DOCK3: variants seen among roughly 807,000 people sequenced by gnomAD.
DOCK3 encodes the protein dedicator of cytokinesis protein 3.
DOCK3 carries 60 observed loss-of-function variants against 265.6 expected under a neutral mutation model. That is an observed-to-expected ratio of 0.23 (90% CI 0.18 to 0.28). The LOEUF (loss-of-function observed/expected upper bound fraction) is 0.28. Among genes scored for constraint, DOCK3 ranks in the 10% least tolerant of loss-of-function variants. The probability of loss-of-function intolerance (pLI) is 1.00; values close to 1 mark genes in which losing one functional copy is unlikely to be tolerated. For missense variants in DOCK3, 1,981 were observed against 2,594.3 expected (o/e 0.76, Z 5.14); for synonymous variants, 881 against 938.0 (o/e 0.94, Z 1.11).
chr3:50,759,704 G>T (rs1368133057), intron 1 of DOCK3, among the ~76,000 whole-genome samples: 2 of 150,182 alleles, frequency 1.3e-5, no homozygotes, highest in African/African-American at 2.5e-5. Flanking sequence ...GAAAAAATTA[G>T]CTGGGCATGG....
chr3:51,098,748 C>T (rs2082966842), intron 9 of DOCK3, among the ~76,000 whole-genome samples: 1 of 152,176 alleles, frequency 6.6e-6, no homozygotes, highest in African/African-American at 2.4e-5. Flanking sequence ...GACATAGACT[C>T]CAGCTCACTA....
At chr3:50,782,617 A>G (rs2041980442) in intron 2 of DOCK3, among the ~76,000 whole-genome samples, 1 of 150,588 alleles carries the variant, frequency 6.6e-6, no homozygotes, top group Non-Finnish European at 1.5e-5. Flanking sequence ...AGCTTTTAAA[A>G]AAAATTCTTT....
intron 27 of DOCK3, among the ~76,000 whole-genome samples, chr3:51,292,212 G>A (rs1030777053): frequency 3.3e-5 from 5 of 152,132 alleles, no homozygotes; most frequent in African/African-American, 9.7e-5. Context: ...GACTACTTCT[G>A]TTCAACACAA....
chr3:51,228,349 AT>A (rs2090415569), intron 17 of DOCK3, among the ~76,000 whole-genome samples: 1 of 152,146 alleles, frequency 6.6e-6, no homozygotes, highest in Admixed American at 6.5e-5. Context: ...CCTCATTGCC[AT>A]TGTGGTCTTG....
At chr3:51,293,574 A>AT (rs1560372838) in intron 27 of DOCK3, among the ~76,000 whole-genome samples, 1 of 152,198 alleles carries the variant, frequency 6.6e-6, no homozygotes, top group East Asian at 1.9e-4. Context: ...CTTGGATATG[A>AT]TCCCTAAAGC....
rs576472454 is a variant in DOCK3 at position 50,789,689 on chromosome 3, G to C, written c.121+10931G>C. The stretch of plus-strand genomic sequence containing the variant: ...TAGGTGCATATATATCTAGGATTCT[G>C]ATATTTTCCTGTTGGACTAGTTTTT... On this transcript the variant is annotated intron_variant, in intron 2 of 52. Coordinates refer to ENST00000266037, the MANE Select transcript of DOCK3 (RefSeq NM_004947.5). Among the ~76,000 whole-genome samples the C allele has an allele frequency of 1.4e-3, 214 of 152,198 alleles. 1 individual carries two copies. Among genetic ancestry groups the C allele is most frequent in the Middle Eastern group, 0.014 (4 of 294 alleles).
chr3:51,263,395 T>A (rs1392603750), intron 23 of DOCK3, among the ~76,000 whole-genome samples: 6 of 152,214 alleles, frequency 3.9e-5, no homozygotes, highest in Non-Finnish European at 5.9e-5. Flanking sequence ...CCACCAGGCC[T>A]GCCTTACAAG....
At chr3:51,003,924 A>G (rs1339249647) in intron 5 of DOCK3, among the ~76,000 whole-genome samples, 1 of 152,170 alleles carries the variant, frequency 6.6e-6, no homozygotes, top group Non-Finnish European at 1.5e-5. Context: ...AAACAACAAA[A>G]CAGCCTACCT....
chr3:51,108,499 C>T (rs2083383311), intron 9 of DOCK3, among the ~76,000 whole-genome samples: 1 of 152,046 alleles, frequency 6.6e-6, no homozygotes, highest in Admixed American at 6.6e-5. Flanking sequence ...ATAGCTTAAA[C>T]AAATAAACAC....
intron 5 of DOCK3, among the ~76,000 whole-genome samples, chr3:50,988,387 C>G (rs11716733): frequency 7.9e-5 from 12 of 152,196 alleles, no homozygotes; most frequent in Non-Finnish European, 1.8e-4. Flanking sequence ...AAATTTGTAA[C>G]CTCTGTGGGA....
chr3:51,343,298 C>T (rs2085355250), intron 38 of DOCK3, among the ~76,000 whole-genome samples: 1 of 152,218 alleles, frequency 6.6e-6, no homozygotes, highest in African/African-American at 2.4e-5. Flanking sequence ...TTCTTCCAGA[C>T]ACTACCCCCA....
chr3:50,994,845 C>T (rs2078224689), intron 5 of DOCK3, among the ~76,000 whole-genome samples: 1 of 152,054 alleles, frequency 6.6e-6, no homozygotes, highest in South Asian at 2.1e-4. Context: ...TAGCACAGTG[C>T]CTGGAGCACT....
At chr3:51,214,809 C>T (rs142291030) in intron 14 of DOCK3, among the ~76,000 whole-genome samples, 2 of 152,260 alleles carry the variant, frequency 1.3e-5, no homozygotes, top group East Asian at 3.9e-4. Context: ...ATCTAATGCC[C>T]CGTGGAGAGC....
At chr3:51,283,044 G>C (rs2081216633) in intron 27 of DOCK3, among the ~76,000 whole-genome samples, 1 of 152,222 alleles carries the variant, frequency 6.6e-6, no homozygotes, top group African/African-American at 2.4e-5. Context: ...TGTGAAAATT[G>C]TCAAGGAATG....
intron 5 of DOCK3, among the ~76,000 whole-genome samples, chr3:50,996,223 C>CT (rs754305815): frequency 2.1e-3 from 294 of 141,522 alleles, no homozygotes; most frequent in East Asian, 2.9e-3. Context: ...TTTTTCTTAA[C>CT]TTTTTTTTTT....
intron 4 of DOCK3, among the ~76,000 whole-genome samples, chr3:50,901,498 G>A (rs1047977340): frequency 1.3e-5 from 2 of 152,088 alleles, no homozygotes; most frequent in Non-Finnish European, 2.9e-5. Flanking sequence ...GCTTGCTGGC[G>A]TTCCAGGCAC....
At chr3:50,728,777 C>A (rs2037998603) in intron 1 of DOCK3, among the ~76,000 whole-genome samples, 1 of 149,502 alleles carries the variant, frequency 6.7e-6, no homozygotes, top group Non-Finnish European at 1.5e-5. Context: ...GGCTGGAGTG[C>A]AGTGGTGCGA....
chr3:51,331,229 A>T (rs2084497789), intron 33 of DOCK3, among the ~76,000 whole-genome samples: 1 of 152,188 alleles, frequency 6.6e-6, no homozygotes, highest in Admixed American at 6.5e-5. Flanking sequence ...CCCCTATACT[A>T]TGCCCATTTT....
chr3:50,966,498 C>CTTTTTTTTTTTTTTTTTTTTTT (rs2077037582), intron 5 of DOCK3, among the ~76,000 whole-genome samples: 1 of 72,002 alleles, frequency 1.4e-5, no homozygotes. Flanking sequence ...TTTTTTTTTT[C>CTTTTTTTTTTTTTTTTTTTTTT]TTCCTTTTTT....
Sources: gnomAD v4.1 joint callset for allele counts (sites outside exome capture counted in the v4.1 genomes callset) on GRCh38, gnomAD v4.1.1 for gene constraint, MANE v1.5 for transcripts, NCBI Gene and HGNC (gene_info 2026-07-23, HGNC 2026-07-21) for gene names.